Variants in HS6ST2 observed in about 807,000 individuals in gnomAD.
The protein encoded by HS6ST2 is heparan sulfate 6-O-sulfotransferase 2.
HS6ST2 carries 17 observed loss-of-function variants against 33.0 expected under a neutral mutation model. The observed-to-expected ratio is 0.52, with a 90% CI of 0.35 to 0.77. The LOEUF is 0.77. Ranked by LOEUF, HS6ST2 falls within the 30% of genes least tolerant of loss-of-function variation. The probability of loss-of-function intolerance (pLI) is 0.01; values close to 1 mark genes in which losing one functional copy is unlikely to be tolerated. For synonymous variants in HS6ST2, 248 were observed against 237.1 expected, an observed-to-expected ratio of 1.05 and a Z score of -0.42; for missense variants, 519 against 551.7, an observed-to-expected ratio of 0.94 and a Z score of 0.59.
chrX:132,940,818 C>T lies in HS6ST2; in HGVS notation c.947+15990G>A, dbSNP rs750813591. 2.1e-4 allele frequency among the ~76,000 whole-genome samples: 23 copies of T among 111,615 alleles called. No homozygotes were observed. The East Asian group carries it at 4.5e-3, about 22-fold the overall frequency. On this transcript the variant is annotated intron_variant, in intron 2 of 4. Transcript: ENST00000370833. Reference sequence around the variant, plus strand: ...GGAGGTTTACTGCATACAAGAGCCCCCTCTGTTAACCAGAAAGTACTGCAT... The same window carrying T: ...GGAGGTTTACTGCATACAAGAGCCCTCTCTGTTAACCAGAAAGTACTGCAT...
intron 2 of HS6ST2, among the ~76,000 whole-genome samples, chrX:132,775,505 A>C (rs1401768922): frequency 8.9e-6 from 1 of 112,039 alleles, no homozygotes; most frequent in Non-Finnish European, 1.9e-5. Context: ...GGGTACATTG[A>C]GTATTTCCTT....
At chrX:132,655,836 A>C in intron 4 of HS6ST2, among the ~76,000 whole-genome samples, 1 of 111,975 alleles carries the variant, frequency 8.9e-6, no homozygotes, top group East Asian at 2.8e-4. Context: ...TATAGCATAC[A>C]ATAAATATGA....
At chrX:132,934,315 T>C (rs1748980621) in intron 2 of HS6ST2, among the ~76,000 whole-genome samples, 3 of 111,765 alleles carry the variant, frequency 2.7e-5, no homozygotes, top group Admixed American at 9.5e-5. Flanking sequence ...GAACCAGTAA[T>C]GGTACATAAG....
Position 132,628,910 on chromosome X carries a change from C to T in HS6ST2, c.1251G>A (p.Glu417=), listed in dbSNP as rs780044976. 8 of 1,209,833 alleles carry T rather than the reference C, an allele frequency of 6.6e-6. No homozygotes were observed. Among genetic ancestry groups the T allele is most frequent in the Non-Finnish European group, 8.9e-6 (8 of 895,175 alleles). Residue 417 remains glutamate (E), a synonymous_variant, in exon 5 of 5, where the codon GAG becomes GAA. Transcript: ENST00000370833. ...CTAGATTGTAGGGACAGTCCATAAA[C>T]TCTTTGAGGGGGCAGCCAGACCAGT... ...GDDWSGCPLK[E]FMDCPYNLAN...
intron 2 of HS6ST2, among the ~76,000 whole-genome samples, chrX:132,878,831 C>T (rs1170621376): frequency 9.0e-6 from 1 of 111,234 alleles, no homozygotes; most frequent in African/African-American, 3.3e-5. Flanking sequence ...GATATTACGA[C>T]TCTAATATAG....
intron 2 of HS6ST2, among the ~76,000 whole-genome samples, chrX:132,742,925 T>C (rs2064595315): frequency 9.0e-6 from 1 of 111,667 alleles, no homozygotes; most frequent in Non-Finnish European, 1.9e-5. Context: ...TGACCAGCAG[T>C]GCATGTTTGA....
rs1466120998 is a variant in HS6ST2 at position 132,787,182 on chromosome X, TATATACATATATATATACAC to T, written c.948-78708_948-78689del. ...ATATATATATGTATATATATATATA[TATATACATATATATATACAC>T]ATATATATATACACATATATATATA... On this transcript the variant is annotated intron_variant, in intron 2 of 4. Transcript: ENST00000370833. Among the ~76,000 whole-genome samples, 35 of 81,763 alleles carry T rather than the reference TATATACATATATATATACAC, an allele frequency of 4.3e-4. 3 individuals are homozygous for T. Among genetic ancestry groups the T allele is most frequent in the African/African-American group, 1.9e-3 (34 of 18,220 alleles). The allele number at this position is 81,763 out of a possible 115,157, so 71.0% of individuals were successfully genotyped here. A position where few individuals can be genotyped will look rare whatever the true frequency, so the allele number is the denominator to read the frequency against.
At position 132,628,111 on chromosome X, in the gene HS6ST2, A is replaced by T. The variant is rs2063491311; in HGVS notation, c.*112T>A. ...AAAGGCAACATCTAAACTTTTTTTT[A>T]AAACTTCCCCAATGAAGGAAGCAGG... On this transcript the variant is annotated 3_prime_UTR_variant, in exon 5 of 5. Transcript: ENST00000370833. 2 of 589,521 alleles carry T rather than the reference A, an allele frequency of 3.4e-6. No homozygotes were observed. The highest frequency in any genetic ancestry group is 2.6e-6 in the Non-Finnish European group (1 of 382,147). 48.6% of individuals were successfully genotyped at this position (589,521 alleles called of 1,213,427 possible).
At chrX:132,786,543 C>T (rs748103600) in intron 2 of HS6ST2, among the ~76,000 whole-genome samples, 16 of 111,495 alleles carry the variant, frequency 1.4e-4, no homozygotes, top group Middle Eastern at 9.3e-3. Context: ...CTCCTCTCTG[C>T]GGTTTTGCCA....
chrX:132,670,772 G>A (rs770797144), intron 3 of HS6ST2, among the ~76,000 whole-genome samples: 166 of 112,153 alleles, frequency 1.5e-3, no homozygotes, highest in Non-Finnish European at 2.7e-3. Context: ...AAAATTGTGC[G>A]ATTGCACTCC....
intron 2 of HS6ST2, among the ~76,000 whole-genome samples, chrX:132,776,179 T>C (rs2064956468): frequency 4.5e-5 from 5 of 111,932 alleles, no homozygotes. Flanking sequence ...CCGGCAAAAT[T>C]GATTGAGAAC....
At chrX:132,844,070 A>C (rs1416435275) in intron 2 of HS6ST2, among the ~76,000 whole-genome samples, 1 of 112,211 alleles carries the variant, frequency 8.9e-6, no homozygotes, top group Non-Finnish European at 1.9e-5. Flanking sequence ...TCGCTTTTAT[A>C]GGAAGGTTTA....
intron 2 of HS6ST2, among the ~76,000 whole-genome samples, chrX:132,746,107 G>A (rs751778597): frequency 9.0e-6 from 1 of 111,420 alleles, no homozygotes; most frequent in Admixed American, 9.6e-5. Flanking sequence ...TACGGTACAC[G>A]GCTTTTAGGA....
rs973752010 is a variant in HS6ST2, at chrX:132,755,300, G to A, written c.948-46806C>T. ...TTTTAGTTGGCTCCTGTGATGTTCT[G>A]CTTTTTGTTTTTGTTTGTGTATTTG... is the stretch of plus-strand genomic sequence containing the variant. On this transcript the variant is annotated intron_variant, in intron 2 of 4. Transcript: ENST00000370833. Among the ~76,000 whole-genome samples the A allele has an allele frequency of 2.7e-5, 3 of 111,534 alleles. No homozygotes were observed. The South Asian group carries it at 1.1e-3, about 42-fold the overall frequency.
At chrX:132,944,726 C>G (rs1238642110) in intron 2 of HS6ST2, among the ~76,000 whole-genome samples, 3 of 110,849 alleles carry the variant, frequency 2.7e-5, no homozygotes, top group Non-Finnish European at 5.7e-5. Context: ...TGATCTTTGA[C>G]AAACCTGACA....
intron 2 of HS6ST2, among the ~76,000 whole-genome samples, chrX:132,877,944 CA>C (rs904874217): frequency 1.4e-4 from 15 of 110,752 alleles, no homozygotes; most frequent in African/African-American, 4.9e-4. Flanking sequence ...ACTGGCATTC[CA>C]AAAGAAGGAA....
intron 3 of HS6ST2, among the ~76,000 whole-genome samples, chrX:132,676,626 A>G (rs2063925180): frequency 8.9e-6 from 1 of 111,969 alleles, no homozygotes; most frequent in South Asian, 3.8e-4. Context: ...CATACATCAG[A>G]TAACCTAGAG....
At chrX:132,770,572 A>C (rs980206823) in intron 2 of HS6ST2, among the ~76,000 whole-genome samples, 1 of 111,846 alleles carries the variant, frequency 8.9e-6, no homozygotes. Flanking sequence ...AAATCCCAGT[A>C]CTATTATATT....
At chrX:132,883,927 C>G (rs1187963262) in intron 2 of HS6ST2, among the ~76,000 whole-genome samples, 1 of 112,042 alleles carries the variant, frequency 8.9e-6, no homozygotes, top group Non-Finnish European at 1.9e-5. Context: ...GTTCATTAAC[C>G]CCTTTTCCTA....
Sources: gnomAD v4.1 joint callset for allele counts (sites outside exome capture counted in the v4.1 genomes callset) on GRCh38, gnomAD v4.1.1 for gene constraint, MANE v1.5 for transcripts, NCBI Gene and HGNC (gene_info 2026-07-23, HGNC 2026-07-21) for gene names.